The following RAP1GAP2 variants were observed in gnomAD, a reference collection of about 807,000 sequenced individuals.
RAP1GAP2 encodes rap1 GTPase-activating protein 2.
A neutral mutation model predicts 95.0 loss-of-function variants in RAP1GAP2; 27 were observed. The ratio of observed to expected loss-of-function variants is 0.28; its 90% CI spans 0.21 to 0.39. The LOEUF (loss-of-function observed/expected upper bound fraction) is 0.39. Among genes scored for constraint, RAP1GAP2 ranks in the 10% least tolerant of loss-of-function variants. The probability of loss-of-function intolerance (pLI) is 1.00; values close to 1 mark genes in which losing one functional copy is unlikely to be tolerated. For missense variants in RAP1GAP2, 771 were observed against 970.0 expected, an observed-to-expected ratio of 0.79 and a Z score of 2.72; for synonymous variants, 373 against 380.9, an observed-to-expected ratio of 0.98 and a Z score of 0.24.
At chr17:2,973,084 A>C (rs2044943706) in intron 8 of RAP1GAP2, among the ~76,000 whole-genome samples, 1 of 152,126 alleles carries the variant, frequency 6.6e-6, no homozygotes. Flanking sequence ...GAGTGTGTGT[A>C]GGGTTGATAA....
intron 3 of RAP1GAP2, among the ~76,000 whole-genome samples, chr17:2,922,661 G>A (rs2042819854): frequency 6.6e-6 from 1 of 152,102 alleles, no homozygotes; most frequent in South Asian, 2.1e-4. Flanking sequence ...TCCCATCCCT[G>A]CTGCCCCGGG....
intron 17 of RAP1GAP2, among the ~76,000 whole-genome samples, chr17:3,015,625 T>G (rs996846362): frequency 9.2e-5 from 14 of 152,134 alleles, no homozygotes; most frequent in African/African-American, 2.4e-4. Context: ...AAGACCAGCC[T>G]GGCCAACACA....
intron 17 of RAP1GAP2, among the ~76,000 whole-genome samples, chr17:3,011,942 G>A (rs993394047): frequency 1.3e-5 from 2 of 152,104 alleles, no homozygotes; most frequent in Admixed American, 1.3e-4. Context: ...TCATTTCCCA[G>A]GCTGATGGGA....
At chr17:2,971,497 G>A (rs78644269) in intron 8 of RAP1GAP2, among the ~76,000 whole-genome samples, 7,424 of 152,160 alleles carry the variant, frequency 0.049, 514 homozygotes, top group African/African-American at 0.15. Context: ...CGTTTTGGGC[G>A]GCTGAGGCAG....
intron 1 of RAP1GAP2, among the ~76,000 whole-genome samples, chr17:2,779,428 A>G (rs1469050035): frequency 6.6e-6 from 1 of 152,196 alleles, no homozygotes; most frequent in Non-Finnish European, 1.5e-5. Flanking sequence ...GAGGACCTCT[A>G]AAGACCCCTC....
intron 2 of RAP1GAP2, among the ~76,000 whole-genome samples, chr17:2,851,370 T>C (rs1465883050): frequency 1.3e-5 from 2 of 152,216 alleles, no homozygotes; most frequent in Non-Finnish European, 2.9e-5. Context: ...AAGCCTAGCA[T>C]TGATGGTTGT....
chr17:2,990,284 T>C (rs2045706823), intron 11 of RAP1GAP2, among the ~76,000 whole-genome samples: 1 of 152,272 alleles, frequency 6.6e-6, no homozygotes, highest in Non-Finnish European at 1.5e-5. Flanking sequence ...ATGGTGACTC[T>C]ATGATTAGCC....
At chr17:2,823,264 T>C (rs2151524599) in intron 2 of RAP1GAP2, among the ~76,000 whole-genome samples, 1 of 152,238 alleles carries the variant, frequency 6.6e-6, no homozygotes, top group East Asian at 1.9e-4. Flanking sequence ...CTGGGAGGGC[T>C]GTGTCCTGGT....
rs907359676 is a variant in RAP1GAP2, at chr17:2,870,034, CA to C, written c.81-35249del. On this transcript the variant is annotated intron_variant, in intron 2 of 24. Coordinates refer to ENST00000254695, the MANE Select transcript of RAP1GAP2 (RefSeq NM_015085.5). The surrounding 1 kb of genome is among the most constrained non-coding windows in gnomAD (Gnocchi z 4.4). Reference sequence around the variant, plus strand: ...GTGCGTTGACCTGCAGAGCAGGCCTCAGGGGTGGGAATCTGTATGGCCCCTG... The same window carrying C: ...GTGCGTTGACCTGCAGAGCAGGCCTCGGGGTGGGAATCTGTATGGCCCCTG... Among the ~76,000 whole-genome samples, 7 of 151,982 alleles carry C rather than the reference CA, an allele frequency of 4.6e-5. No individual in the cohort carries two copies. Among genetic ancestry groups the C allele is most frequent in the Non-Finnish European group, 7.4e-5 (5 of 68,020 alleles).
intron 2 of RAP1GAP2, among the ~76,000 whole-genome samples, chr17:2,863,151 G>A (rs1320651517): frequency 6.6e-6 from 1 of 152,022 alleles, no homozygotes; most frequent in Admixed American, 6.6e-5. Context: ...TGAGTGCGGG[G>A]GTCCTGGTTG....
chr17:2,793,192 C>T (rs923122626), upstream of RAP1GAP2, among the ~76,000 whole-genome samples: 12 of 148,132 alleles, frequency 8.1e-5, no homozygotes, highest in African/African-American at 1.2e-4. Flanking sequence ...TCGCTCTTGT[C>T]GCCCAGGCTG....
intron 2 of RAP1GAP2, among the ~76,000 whole-genome samples, chr17:2,872,360 C>T (rs2072880701): frequency 6.6e-6 from 1 of 151,924 alleles, no homozygotes; most frequent in Admixed American, 6.6e-5. Context: ...TCTGATGGAC[C>T]ATAGGCACAT....
intron 2 of RAP1GAP2, among the ~76,000 whole-genome samples, chr17:2,885,267 C>T (rs1384528388): frequency 2.6e-5 from 4 of 151,926 alleles, no homozygotes; most frequent in African/African-American, 9.7e-5. Flanking sequence ...CTCCTGACCT[C>T]GTGATCCACC....
intron 3 of RAP1GAP2, among the ~76,000 whole-genome samples, chr17:2,917,092 C>G (rs976193919): frequency 1.3e-5 from 2 of 152,204 alleles, no homozygotes; most frequent in African/African-American, 4.8e-5. Flanking sequence ...ATCTTTCTTT[C>G]CTTTGGATTG....
chr17:2,973,497 CAA>C (rs2044962083), intron 8 of RAP1GAP2, among the ~76,000 whole-genome samples: 1 of 152,146 alleles, frequency 6.6e-6, no homozygotes, highest in Admixed American at 6.6e-5. Context: ...GCCTGGGTCA[CAA>C]GAGCAAGAAT....
Position 2,857,757 on chromosome 17 carries a change from A to C in RAP1GAP2, c.81-47527A>C, listed in dbSNP as rs534770307. ...GGAGCTTGGCTCCCTGAGGGGGAAAACAGGCAGCTTTGCTGGGAAGGACGG... is the reference window on the plus strand; with the variant it reads ...GGAGCTTGGCTCCCTGAGGGGGAAACCAGGCAGCTTTGCTGGGAAGGACGG... On this transcript the variant is annotated intron_variant, in intron 2 of 24. Coordinates refer to ENST00000254695, the MANE Select transcript of RAP1GAP2 (RefSeq NM_015085.5). The surrounding 1 kb of genome is among the most constrained non-coding windows in gnomAD (Gnocchi z 4.0). 6.6e-6 allele frequency among the ~76,000 whole-genome samples: 1 copy of C among 152,264 alleles called. No homozygotes were observed. Among genetic ancestry groups the C allele is most frequent in the South Asian group, 2.1e-4 (1 of 4,824 alleles).
intron 21 of RAP1GAP2, 90 bp downstream of exon 21, chr17:3,026,554 C>T: frequency 9.2e-7 from 1 of 1,083,850 alleles, no homozygotes; most frequent in Non-Finnish European, 1.3e-6. Flanking sequence ...GGATCGAAGC[C>T]CATGTCAGTC....
chr17:2,915,952 C>A (rs1419792572), intron 3 of RAP1GAP2, among the ~76,000 whole-genome samples: 1 of 151,936 alleles, frequency 6.6e-6, no homozygotes, highest in Non-Finnish European at 1.5e-5. Context: ...CCCGCCTCAG[C>A]CTCTCCCAAA....
intron 2 of RAP1GAP2, among the ~76,000 whole-genome samples, chr17:2,880,452 CTTTT>C (rs144962259): frequency 1.5e-5 from 2 of 137,910 alleles, no homozygotes; most frequent in Non-Finnish European, 3.2e-5. Context: ...TCACCTTCTT[CTTTT>C]TTTTTTTTTT....
Sources: gnomAD v4.1 joint callset for allele counts (sites outside exome capture counted in the v4.1 genomes callset) on GRCh38, gnomAD v4.1.1 for gene constraint, Gnocchi (gnomAD v3.1) non-coding constraint, MANE v1.5 for transcripts, NCBI Gene and HGNC (gene_info 2026-07-23, HGNC 2026-07-21) for gene names.